The following RAD23B variants were observed in gnomAD, a reference collection of about 807,000 sequenced individuals.
The protein encoded by RAD23B is lysine-specific demethylase RAD23B.
A neutral mutation model predicts 49.1 loss-of-function variants in RAD23B; 5 were observed. That is an observed-to-expected ratio of 0.10 (90% CI 0.05 to 0.21). The LOEUF (loss-of-function observed/expected upper bound fraction) is 0.21, where lower values mean the gene tolerates loss of function less well. RAD23B is among the 10% of genes least tolerant of loss of function. The pLI is 1.00. For synonymous variants in RAD23B, 184 were observed against 165.4 expected (o/e 1.11, Z -0.86); for missense variants, 356 against 486.7 (o/e 0.73, Z 2.53).
chr9:107,319,391 A>G (rs1827065353), intron 6 of RAD23B, among the ~76,000 whole-genome samples: 1 of 151,946 alleles, frequency 6.6e-6, no homozygotes, highest in South Asian at 2.1e-4. Context: ...CAGCCTCCCA[A>G]AGTGCTGGGA....
chr9:107,324,051 A>G (rs2133097211), intron 8 of RAD23B, 34 bp downstream of exon 8: 2 of 1,604,184 alleles, frequency 1.2e-6, no homozygotes, highest in Non-Finnish European at 1.7e-6. Context: ...CAAGTGATTT[A>G]GAGTGTGTCA....
chr9:107,289,013 C>T (rs551254943), intron 1 of RAD23B, among the ~76,000 whole-genome samples: 2 of 151,184 alleles, frequency 1.3e-5, no homozygotes, highest in Admixed American at 1.3e-4. Flanking sequence ...CTCTGTCTCT[C>T]TTTTCTCTTT....
At chr9:107,312,499 C>T (rs1037541978) in intron 5 of RAD23B, among the ~76,000 whole-genome samples, 1 of 152,166 alleles carries the variant, frequency 6.6e-6, no homozygotes, top group Non-Finnish European at 1.5e-5. Flanking sequence ...GTTCTCTGAG[C>T]TAGTTGGACT....
At chr9:107,311,931 A>G (rs538339817) in intron 5 of RAD23B, among the ~76,000 whole-genome samples, 194 bp downstream of exon 5, 83 of 152,218 alleles carry the variant, frequency 5.5e-4, no homozygotes, top group Non-Finnish European at 1.0e-3. Flanking sequence ...GTTCTTTAAA[A>G]CTTGCTCTGA....
chr9:107,329,738 C>CAG lies in RAD23B; in HGVS notation c.*83_*84insGA. 1 of 567,748 alleles carries CAG rather than the reference C, an allele frequency of 1.8e-6. No homozygotes were observed. The allele number at this position is 567,748 out of a possible 1,614,324, so 35.2% of individuals were successfully genotyped here. A position where few individuals can be genotyped will look rare whatever the true frequency, so the allele number is the denominator to read the frequency against. On this transcript the variant is annotated 3_prime_UTR_variant, in exon 10 of 10. Coordinates refer to ENST00000358015, the MANE Select transcript of RAD23B (RefSeq NM_002874.5). The stretch of plus-strand genomic sequence containing the variant: ...TGGATTGTCTGGGATGACTTGGGCT[C>CAG]ATATCCACAATACTTGGTATAAGGT...
At chr9:107,316,801 A>C (rs1347707414) in intron 5 of RAD23B, among the ~76,000 whole-genome samples, 1 of 151,778 alleles carries the variant, frequency 6.6e-6, no homozygotes, top group Non-Finnish European at 1.5e-5. Context: ...AGTTGGGGCA[A>C]GAAAAAAATA....
At position 107,323,850 on chromosome 9, in the gene RAD23B, ATTTACTGCTTT is replaced by A. The variant is rs372574299; in HGVS notation, c.818-38_818-28del. The A allele has an allele frequency of 0.011, 17,291 of 1,550,542 alleles. 1,354 individuals are homozygous for A. In the African/African-American group the frequency reaches 0.19, roughly 17 times the overall value. On this transcript the variant is annotated intron_variant, in intron 7 of 9. Transcript: ENST00000358015. The stretch of plus-strand genomic sequence containing the variant: ...TTATTTAACCACTGTTTGTGTATGT[ATTTACTGCTTT>A]TGTTTAGAAATGTTTATGTGTATTT...
In RAD23B at chr9:107,297,755, T is replaced by C. The variant is rs940092066; in HGVS notation, c.67-2386T>C. ...TTTCTTAATTTATGGGGCTTTTTTT[T>C]CCTTTGGTCCTCCCTCATTTTTGAT... On this transcript the variant is annotated intron_variant, in intron 1 of 9. Coordinates refer to ENST00000358015, the MANE Select transcript of RAD23B (RefSeq NM_002874.5). Among the ~76,000 whole-genome samples, 9 of 151,918 alleles carry C rather than the reference T, an allele frequency of 5.9e-5. No homozygotes were observed. The East Asian group carries it at 1.3e-3, about 23-fold the overall frequency.
intron 1 of RAD23B, chr9:107,284,013 G>C (rs1401932927): frequency 1.9e-6 from 2 of 1,076,576 alleles, no homozygotes; most frequent in Admixed American, 1.1e-4. Context: ...GGTCCAGGCC[G>C]TCTCAGCCGT....
At chr9:107,311,273 G>C (rs1826882551) in intron 4 of RAD23B, among the ~76,000 whole-genome samples, 1 of 151,952 alleles carries the variant, frequency 6.6e-6, no homozygotes, top group Admixed American at 6.6e-5. Context: ...AGCCTAATTT[G>C]GTTTCTCCAT....
chr9:107,283,801 C>T (rs1217927630), intron 1 of RAD23B, 106 bp downstream of exon 1: 11 of 1,084,442 alleles, frequency 1.0e-5, no homozygotes, highest in Non-Finnish European at 1.2e-5. Context: ...CCCCGGAGGG[C>T]GCGATGAGGG....
chr9:107,316,258 G>T (rs923639696), intron 5 of RAD23B, among the ~76,000 whole-genome samples: 1 of 152,084 alleles, frequency 6.6e-6, no homozygotes, highest in African/African-American at 2.4e-5. Flanking sequence ...TGATCTGCCC[G>T]CCTCGGCCTC....
chr9:107,292,504 C>T (rs1203115197), intron 1 of RAD23B, among the ~76,000 whole-genome samples: 1 of 152,036 alleles, frequency 6.6e-6, no homozygotes, highest in Non-Finnish European at 1.5e-5. Context: ...TGTGATGAAA[C>T]CCTGTCTCTA....
At chr9:107,308,620 T>G (rs1488768971) in intron 4 of RAD23B, among the ~76,000 whole-genome samples, 1 of 152,202 alleles carries the variant, frequency 6.6e-6, no homozygotes, top group Non-Finnish European at 1.5e-5. Flanking sequence ...CCTACAGAAG[T>G]TGCATAAGTA....
At position 107,322,068 on chromosome 9, in the gene RAD23B, C is replaced by G; in HGVS notation, c.767C>G (p.Ala256Gly). Reference sequence around the variant, plus strand: ...GGGGCTCCTCAGTCTTCAGCAGTGGCTGCAGCTGCAGCAACTACGACAGCA... The same window carrying G: ...GGGGCTCCTCAGTCTTCAGCAGTGGGTGCAGCTGCAGCAACTACGACAGCA... ...STGAPQSSAVAAAAATTTATT... is the reference protein window; with the variant it reads ...STGAPQSSAVGAAAATTTATT... The change falls in exon 7 of 10, where the codon GCT becomes GGT. Residue 256 changes from alanine (A) to glycine (G), a missense_variant. Around this residue, in one of 5 missense-constraint regions of RAD23B, gnomAD observed 148 missense variants for 231.7 expected, o/e 0.64. Transcript: ENST00000358015. The G allele has an allele frequency of 6.2e-7, 1 of 1,612,076 alleles. No individual in the cohort carries two copies. Among genetic ancestry groups the G allele is most frequent in the Non-Finnish European group, 8.5e-7 (1 of 1,179,064 alleles).
intron 1 of RAD23B, among the ~76,000 whole-genome samples, chr9:107,298,567 G>T (rs553512058): frequency 6.9e-6 from 1 of 144,116 alleles, no homozygotes; most frequent in African/African-American, 2.6e-5. Context: ...CTGGCCTCAG[G>T]TGATCCTCCC....
At chr9:107,285,049 A>T in intron 1 of RAD23B, 1 of 968,570 alleles carries the variant, frequency 1.0e-6, no homozygotes, top group Non-Finnish European at 1.4e-6. Context: ...TTTAAGAAAC[A>T]GCCTTTTTGG....
intron 9 of RAD23B, among the ~76,000 whole-genome samples, chr9:107,325,651 A>C (rs1587865439): frequency 6.6e-6 from 1 of 152,180 alleles, no homozygotes; most frequent in African/African-American, 2.4e-5. Flanking sequence ...GCATGTGTTC[A>C]TTAGGATTTT....
intron 2 of RAD23B, 29 bp downstream of exon 2, chr9:107,300,251 C>G: frequency 6.3e-7 from 1 of 1,579,080 alleles, no homozygotes; most frequent in Non-Finnish European, 8.6e-7. Flanking sequence ...AATTAACATG[C>G]CATGTCTTGA....
Sources: allele counts gnomAD v4.1 joint callset (sites outside exome capture counted in the v4.1 genomes callset), GRCh38; gene constraint gnomAD v4.1.1; regional missense constraint gnomAD v4.1.1; transcripts MANE v1.5; gene names NCBI Gene and HGNC (gene_info 2026-07-23, HGNC 2026-07-21).